Variants in ARHGAP12 observed in about 807,000 individuals in gnomAD.
ARHGAP12 encodes rho GTPase-activating protein 12.
ARHGAP12 carries 64 observed loss-of-function variants against 108.6 expected under a neutral mutation model. That is an observed-to-expected ratio of 0.59 (90% CI 0.48 to 0.73). ARHGAP12 has a LOEUF of 0.73. Ranked by LOEUF, ARHGAP12 falls within the 30% of genes least tolerant of loss-of-function variation. The pLI is 0.00. For missense variants in ARHGAP12, 940 were observed against 1,005.9 expected, an observed-to-expected ratio of 0.93 and a Z score of 0.89; for synonymous variants, 312 against 337.2, an observed-to-expected ratio of 0.93 and a Z score of 0.82.
At chr10:31,839,078 A>C (rs1022325910) in intron 9 of ARHGAP12, among the ~76,000 whole-genome samples, 1 of 152,162 alleles carries the variant, frequency 6.6e-6, no homozygotes, top group African/African-American at 2.4e-5. Context: ...CATGATCAGC[A>C]ACAGAAAAGA....
intron 3 of ARHGAP12, among the ~76,000 whole-genome samples, chr10:31,901,424 C>G (rs199787816): frequency 6.7e-6 from 1 of 148,866 alleles, no homozygotes; most frequent in Non-Finnish European, 1.5e-5. Context: ...CCCAGCTACT[C>G]GGGAAGCTGA....
chr10:31,809,728 T>C (rs1834945490), intron 16 of ARHGAP12: 1 of 156,434 alleles, frequency 6.4e-6, no homozygotes, highest in Non-Finnish European at 1.4e-5. Context: ...AAGGCATCTG[T>C]CATATTAAGT....
chr10:31,849,523 T>C (rs1331263386), intron 6 of ARHGAP12, among the ~76,000 whole-genome samples: 2 of 152,228 alleles, frequency 1.3e-5, no homozygotes, highest in Non-Finnish European at 2.9e-5. Context: ...AGATTTATCT[T>C]AGACTTACTA....
At chr10:31,912,152 A>G (rs1476411077) in intron 1 of ARHGAP12, among the ~76,000 whole-genome samples, 1 of 152,186 alleles carries the variant, frequency 6.6e-6, no homozygotes, top group African/African-American at 2.4e-5. Flanking sequence ...CAAATTTTTC[A>G]CAACTTTTCA....
intron 1 of ARHGAP12, among the ~76,000 whole-genome samples, chr10:31,922,552 T>C (rs1317891402): frequency 6.6e-6 from 1 of 151,982 alleles, no homozygotes; most frequent in Non-Finnish European, 1.5e-5. Flanking sequence ...TACAGGTGCA[T>C]GCTACCATGC....
Position 31,808,728 on chromosome 10 carries a change from C to A in ARHGAP12, c.2287G>T (p.Ala763Ser). Residue 763 changes from alanine (A) to serine (S), a missense_variant, in exon 19 of 20, where the codon GCT (alanine) becomes TCT (serine). Coordinates refer to ENST00000344936, the MANE Select transcript of ARHGAP12 (RefSeq NM_018287.7). The part of the protein sequence containing the change: ...AIKQEPRQRV[A>S]AVKDLIRQLP... ...TGTCTGATTAGGTCCTTAACAGCAG[C>A]GACTCGCTGTCTTGGTTCTTGCTCT... 1 of 1,613,718 alleles carries A rather than the reference C, an allele frequency of 6.2e-7. No individual in the cohort carries two copies. Among genetic ancestry groups the A allele is most frequent in the Non-Finnish European group, 8.5e-7 (1 of 1,179,722 alleles).
At chr10:31,927,845 G>A (rs1840113149) in intron 1 of ARHGAP12, among the ~76,000 whole-genome samples, 2 of 152,198 alleles carry the variant, frequency 1.3e-5, no homozygotes, top group South Asian at 4.1e-4. Context: ...AGATAGCAAC[G>A]CGTAAAGGAC....
At chr10:31,907,128 G>GGGCA (rs1475852987) in intron 3 of ARHGAP12, among the ~76,000 whole-genome samples, 1 of 152,008 alleles carries the variant, frequency 6.6e-6, no homozygotes, top group Non-Finnish European at 1.5e-5. Flanking sequence ...CCACACCTAA[G>GGGCA]GGCACCCCTC....
chr10:31,924,880 GA>G (rs1839967165), intron 1 of ARHGAP12, among the ~76,000 whole-genome samples: 1 of 151,592 alleles, frequency 6.6e-6, no homozygotes, highest in Admixed American at 6.6e-5. Flanking sequence ...TGAGAAGAAA[GA>G]AAAAAAACTT....
At chr10:31,887,054 A>T (rs1838215968) in intron 3 of ARHGAP12, among the ~76,000 whole-genome samples, 1 of 152,242 alleles carries the variant, frequency 6.6e-6, no homozygotes, top group African/African-American at 2.4e-5. Context: ...GTATACATAC[A>T]GGGAGACAGA....
rs1364157131 is a variant in ARHGAP12 at position 31,882,781 on chromosome 10, C to A, written c.685-21123G>T. On this transcript the variant is annotated intron_variant, in intron 3 of 19. Transcript: ENST00000344936. ...TGAGCTGAGATCACACCACTGCACT[C>A]CAGCCTGGGAAACAGAGCAAGACTC... Among the ~76,000 whole-genome samples, 2 of 149,312 alleles carry A rather than the reference C, an allele frequency of 1.3e-5. 1 individual carries two copies. Among genetic ancestry groups the A allele is most frequent in the South Asian group, 4.3e-4 (2 of 4,690 alleles).
intron 3 of ARHGAP12, among the ~76,000 whole-genome samples, chr10:31,881,975 CTG>C: frequency 6.8e-6 from 1 of 146,748 alleles, no homozygotes; most frequent in African/African-American, 2.6e-5. Flanking sequence ...AGTGCAGTGG[CTG>C]GATCTCGGCT....
intron 14 of ARHGAP12, among the ~76,000 whole-genome samples, chr10:31,813,198 A>C (rs192323023): frequency 4.6e-5 from 7 of 152,270 alleles, no homozygotes; most frequent in Non-Finnish European, 7.4e-5. Context: ...CAAAAAGTAA[A>C]AATACATAAA....
At chr10:31,904,688 G>C (rs976589401) in intron 3 of ARHGAP12, among the ~76,000 whole-genome samples, 1 of 152,146 alleles carries the variant, frequency 6.6e-6, no homozygotes, top group African/African-American at 2.4e-5. Context: ...GTGCAATGGT[G>C]CAATCTCGGG....
chr10:31,873,618 T>C (rs1357827076), intron 3 of ARHGAP12, among the ~76,000 whole-genome samples: 4 of 152,192 alleles, frequency 2.6e-5, no homozygotes, highest in African/African-American at 9.7e-5. Flanking sequence ...CCATGTCTTA[T>C]CATTACACAT....
At chr10:31,815,180 A>G (rs1162817361) in intron 13 of ARHGAP12, among the ~76,000 whole-genome samples, 1 of 152,060 alleles carries the variant, frequency 6.6e-6, no homozygotes, top group Non-Finnish European at 1.5e-5. Flanking sequence ...GCTCATCTAT[A>G]ACTAAGGTCG....
At chr10:31,914,521 A>C (rs1327107705) in intron 1 of ARHGAP12, among the ~76,000 whole-genome samples, 1 of 152,202 alleles carries the variant, frequency 6.6e-6, no homozygotes, top group Non-Finnish European at 1.5e-5. Flanking sequence ...AAGACACACA[A>C]AAAGCCAATA....
intron 3 of ARHGAP12, among the ~76,000 whole-genome samples, chr10:31,906,546 A>G (rs1247532589): frequency 5.3e-5 from 8 of 152,176 alleles, no homozygotes; most frequent in African/African-American, 1.9e-4. Flanking sequence ...TTTGCTGTAA[A>G]GTGGAAGGAA....
intron 3 of ARHGAP12, among the ~76,000 whole-genome samples, chr10:31,891,551 T>G (rs1319434410): frequency 6.6e-6 from 1 of 152,156 alleles, no homozygotes; most frequent in Non-Finnish European, 1.5e-5. Flanking sequence ...ATCTGATAAT[T>G]ATGTATCTTG....
Sources: gnomAD v4.1 joint callset for allele counts (sites outside exome capture counted in the v4.1 genomes callset) on GRCh38, gnomAD v4.1.1 for gene constraint, MANE v1.5 for transcripts, NCBI Gene and HGNC (gene_info 2026-07-23, HGNC 2026-07-21) for gene names.